ERBB3: variants seen among roughly 807,000 people sequenced by gnomAD.
ERBB3 encodes the protein receptor tyrosine-protein kinase erbB-3.
A neutral mutation model predicts 156.7 loss-of-function variants in ERBB3; 96 were observed. That is an observed-to-expected ratio of 0.61 (90% CI 0.52 to 0.73). The LOEUF (loss-of-function observed/expected upper bound fraction) is 0.73, where lower values mean the gene tolerates loss of function less well. Ranked by LOEUF, ERBB3 falls within the 30% of genes least tolerant of loss-of-function variation. The pLI is 0.00. For missense variants in ERBB3, 1,406 were observed against 1,709.4 expected, an observed-to-expected ratio of 0.82 and a Z score of 3.13; for synonymous variants, 567 against 632.0, an observed-to-expected ratio of 0.90 and a Z score of 1.54.
chr12:56,096,356 A>G, intron 17 of ERBB3, 147 bp from the exon 18 acceptor site: 1 of 926,310 alleles, frequency 1.1e-6, no homozygotes, highest in Non-Finnish European at 1.7e-6. Flanking sequence ...GTACCTCAAT[A>G]TGCCTATAAT....
rs151311358 is a variant in ERBB3 at position 56,100,189 on chromosome 12, A to C, written c.3145A>C (p.Ser1049Arg). Residue 1049 changes from serine (S) to arginine (R), a missense_variant, in exon 26 of 28, where the codon AGT (serine) becomes CGT (arginine). By Grantham distance (110) the Ser-to-Arg change is moderately radical. This residue lies in a region of ERBB3 where 415 missense variants were observed against 454.1 expected (regional missense o/e 0.91). Transcript: ENST00000267101. The part of the protein sequence containing the change: ...NRPRGSQSLL[S>R]PSSGYMPMNQ... ...TTCATCCTAGAGCCAGAGCCTTTTA[A>C]GTCCATCATCTGGATACATGCCCAT... 4.4e-5 allele frequency: 71 copies of C among 1,614,002 alleles called. No homozygotes were observed. The highest frequency in any genetic ancestry group is 6.0e-5 in the Non-Finnish European group (71 of 1,179,964).
chr12:56,091,752 A>G (rs1868721043), intron 9 of ERBB3, among the ~76,000 whole-genome samples: 1 of 152,154 alleles, frequency 6.6e-6, no homozygotes, highest in South Asian at 2.1e-4. Context: ...AGTTAAGGTG[A>G]TATCTGTCAG....
rs1868695049 is a variant in ERBB3 at position 56,091,330 on chromosome 12, A to AATTTATATATAT, written c.1110-1415_1110-1414insTTATATATATAT. Among the ~76,000 whole-genome samples the AATTTATATATAT allele has an allele frequency of 1.7e-3, 7 of 4,194 alleles. 2 individuals carry two copies. The highest frequency in any genetic ancestry group is 0.017 in the South Asian group (2 of 118). 2.8% of individuals were successfully genotyped at this position (4,194 alleles called of 152,430 possible). ...ATATAAATATAAATATATATATATA[A>AATTTATATATAT]ATAATATATATAAATATATATAAAC... On this transcript the variant is annotated intron_variant, in intron 9 of 27. Transcript: ENST00000267101.
chr12:56,095,193 A>T, intron 15 of ERBB3, 64 bp from the exon 16 acceptor site: 2 of 1,213,554 alleles, frequency 1.6e-6, no homozygotes, highest in Non-Finnish European at 2.5e-6. Context: ...TTTATATGTT[A>T]GGCTGTTGAA....
At chr12:56,088,998 G>T (rs1030577286) in intron 9 of ERBB3, 130 bp downstream of exon 9, 11 of 1,262,064 alleles carry the variant, frequency 8.7e-6, no homozygotes, top group East Asian at 2.3e-5. Flanking sequence ...TGTTACAAAG[G>T]ACCTGAAAGA....
At chr12:56,089,603 T>C (rs1264525669) in intron 9 of ERBB3, among the ~76,000 whole-genome samples, 3 of 151,832 alleles carry the variant, frequency 2.0e-5, no homozygotes, top group East Asian at 1.9e-4. Context: ...ATTAGCTGGG[T>C]GTGGTGGTGC....
In ERBB3 at chr12:56,096,700, G is replaced by A. The variant is rs376471167; in HGVS notation, c.2176-48G>A. On this transcript the variant is annotated intron_variant, in intron 18 of 27. Transcript: ENST00000267101. ...GGGTGAAAGATTTTTGCATAGGATT[G>A]ACCTAGGGAGAATGACCTTATGCCA... is the stretch of plus-strand genomic sequence containing the variant. 2.1e-4 allele frequency: 344 copies of A among 1,612,930 alleles called. 1 individual carries two copies. Among genetic ancestry groups the A allele is most frequent in the Middle Eastern group, 3.3e-4 (2 of 6,060 alleles).
Position 56,080,389 on chromosome 12 carries a change from G to A in ERBB3, c.82+7G>A, listed in dbSNP as rs566949466. The A allele has an allele frequency of 5.1e-5, 81 of 1,587,754 alleles. 1 individual carries two copies. The South Asian group carries it at 8.7e-4, about 17-fold the overall frequency. ...GTGGGCAACTCTCAGGCAGGTAAGT[G>A]GCGCGAGAGCACCGGCGGGCTCGGC... is the stretch of plus-strand genomic sequence containing the variant. On this transcript the variant is annotated splice_region_variant and intron_variant, in intron 1 of 27. Transcript: ENST00000267101.
At position 56,101,214 on chromosome 12, in the gene ERBB3, A is replaced by T. The variant is rs773123; in HGVS notation, c.3355A>T (p.Ser1119Cys). 170,707 of 1,613,498 alleles carry T rather than the reference A, an allele frequency of 0.11. 9,756 individuals are homozygous for T. Among genetic ancestry groups the T allele is most frequent in the Non-Finnish European group, 0.12 (135,894 of 1,179,734 alleles). Residue 1119 changes from serine (S) to cysteine (C), a missense_variant, in exon 27 of 28, where the codon AGC (serine) becomes TGC (cysteine). By Grantham distance (112) the Ser-to-Cys change is moderately radical. Around this residue, in one of 3 missense-constraint regions of ERBB3, gnomAD observed 415 missense variants for 454.1 expected, o/e 0.91. Transcript: ENST00000267101. ...QEKVSMCRSR[S>C]RSRSPRPRGD... Reference sequence around the variant, plus strand: ...GAAAGTGTCAATGTGTAGGAGCCGGAGCAGGAGCCGGAGCCCACGGCCACG... The same window carrying T: ...GAAAGTGTCAATGTGTAGGAGCCGGTGCAGGAGCCGGAGCCCACGGCCACG...
chr12:56,092,812 A>G lies in ERBB3; in HGVS notation c.1175A>G (p.Glu392Gly). 1 of 1,614,024 alleles carries G rather than the reference A, an allele frequency of 6.2e-7. No homozygotes were observed. The highest frequency in any genetic ancestry group is 8.5e-7 in the Non-Finnish European group (1 of 1,179,866). Residue 392 changes from glutamate (E) to glycine (G), a missense_variant, in exon 10 of 28, where the codon GAG (glutamate) becomes GGG (glycine). Physicochemically the swap from Glu to Gly is moderately conservative, Grantham distance 98. Transcript: ENST00000267101. ...CTCAATGTCTTCCGGACAGTACGGG[A>G]GATCACAGGTGAGTGGCAGAGAGTT... The part of the protein sequence containing the change: ...EKLNVFRTVR[E>G]ITGYLNIQSW...
intron 11 of ERBB3, 45 bp downstream of exon 11, chr12:56,093,121 C>T (rs1868771575): frequency 1.4e-6 from 2 of 1,428,454 alleles, no homozygotes; most frequent in East Asian, 4.5e-5. Flanking sequence ...GGCAATGAAG[C>T]CTGTGTCATA....
chr12:56,093,770 A>G lies in ERBB3; in HGVS notation c.1487A>G (p.Glu496Gly), dbSNP rs1868796467. 1 of 1,613,962 alleles carries G rather than the reference A, an allele frequency of 6.2e-7. No homozygotes were observed. The highest frequency in any genetic ancestry group is 8.5e-7 in the Non-Finnish European group (1 of 1,180,010). The part of the protein sequence containing the change: ...HNRPRRDCVA[E>G]GKVCDPLCSS... ...CCCACCCCTTCCTTTCCAGTGGCAGAGGGCAAAGTGTGTGACCCACTGTGC... is the reference window on the plus strand; with the variant it reads ...CCCACCCCTTCCTTTCCAGTGGCAGGGGGCAAAGTGTGTGACCCACTGTGC... Residue 496 changes from glutamate (E) to glycine (G), a missense_variant, in exon 13 of 28, where the codon GAG (glutamate) becomes GGG (glycine). Transcript: ENST00000267101.
chr12:56,098,120 A>G, intron 21 of ERBB3, 180 bp downstream of exon 21: 1 of 674,632 alleles, frequency 1.5e-6, no homozygotes, highest in Non-Finnish European at 2.5e-6. Context: ...AGAACTTGGG[A>G]CTGGCCGGGC....
Position 56,101,370 on chromosome 12 carries a change from C to A in ERBB3, c.3502+9C>A. The A allele has an allele frequency of 6.2e-7, 1 of 1,613,452 alleles. No individual in the cohort carries two copies. Among genetic ancestry groups the A allele is most frequent in the Non-Finnish European group, 8.5e-7 (1 of 1,179,712 alleles). On this transcript the variant is annotated intron_variant, in intron 27 of 27. Coordinates refer to ENST00000267101, the MANE Select transcript of ERBB3 (RefSeq NM_001982.4). ...AGATACACACCTCAAAGGTGCCTGA[C>A]TCTTCCTAGGGCTTTCCTCAATTTT...
chr12:56,098,446 T>C (rs1868970646), intron 21 of ERBB3, 54 bp from the exon 22 acceptor site: 1 of 1,219,698 alleles, frequency 8.2e-7, no homozygotes, highest in East Asian at 2.3e-5. Context: ...GACTTGGAAA[T>C]CCTAAGAAAA....
chr12:56,086,692 A>C lies in ERBB3; in HGVS notation c.547+36A>C, dbSNP rs929711174. On this transcript the variant is annotated intron_variant, in intron 4 of 27. Transcript: ENST00000267101. ...GTGATCAAGATTGCTCCCCAGTCCCACCAAACCAGAGTGACTCCCTTCTTT... is the reference window on the plus strand; with the variant it reads ...GTGATCAAGATTGCTCCCCAGTCCCCCCAAACCAGAGTGACTCCCTTCTTT... The C allele has an allele frequency of 2.5e-6, 4 of 1,612,890 alleles. No individual in the cohort carries two copies. The African/African-American group carries it at 5.3e-5, about 22-fold the overall frequency.
Position 56,097,958 on chromosome 12 carries a change from G to T in ERBB3, c.2616+18G>T. 6.2e-7 allele frequency: 1 copy of T among 1,612,110 alleles called. No individual in the cohort carries two copies. The highest frequency in any genetic ancestry group is 8.5e-7 in the Non-Finnish European group (1 of 1,179,680). Reference sequence around the variant, plus strand: ...AGGCCAAGGTGAGGAGACACAAAGGGTAAGGAGGCGGGGGTGGAGTGAAGC... The same window carrying T: ...AGGCCAAGGTGAGGAGACACAAAGGTTAAGGAGGCGGGGGTGGAGTGAAGC... On this transcript the variant is annotated intron_variant, in intron 21 of 27. Transcript: ENST00000267101.
chr12:56,083,077 CT>C (rs1868373794), intron 1 of ERBB3, among the ~76,000 whole-genome samples: 1 of 152,114 alleles, frequency 6.6e-6, no homozygotes, highest in Non-Finnish European at 1.5e-5. Context: ...TTGACCCCCC[CT>C]CACCCCAGCA....
At chr12:56,095,982 T>TC (rs1265782872) in intron 17 of ERBB3, 176 bp downstream of exon 17, 2 of 710,130 alleles carry the variant, frequency 2.8e-6, no homozygotes, top group Admixed American at 4.6e-5. Flanking sequence ...AGTAGTGTGG[T>TC]CCCCTAGAAG....
Sources: gnomAD v4.1 joint callset for allele counts (sites outside exome capture counted in the v4.1 genomes callset) on GRCh38, gnomAD v4.1.1 for gene constraint, gnomAD v4.1.1 regional missense constraint, MANE v1.5 for transcripts, NCBI Gene and HGNC (gene_info 2026-07-23, HGNC 2026-07-21) for gene names.